IMP4: variants seen among roughly 807,000 people sequenced by gnomAD.
IMP4 encodes the protein U3 small nucleolar ribonucleoprotein IMP4.
IMP4 carries 30 observed loss-of-function variants against 42.7 expected under a neutral mutation model. The ratio of observed to expected loss-of-function variants is 0.70; its 90% CI spans 0.53 to 0.95. The LOEUF (loss-of-function observed/expected upper bound fraction) is 0.95. Among genes scored for constraint, IMP4 ranks in the 40% least tolerant of loss-of-function variants. The probability of loss-of-function intolerance (pLI) is 0.00; values close to 1 mark genes in which losing one functional copy is unlikely to be tolerated. For missense variants in IMP4, 382 were observed against 411.4 expected (o/e 0.93, Z 0.62); for synonymous variants, 165 against 165.2 (o/e 1.00, Z 0.01).
At chr2:130,344,748 T>G in intron 3 of IMP4, 36 bp downstream of exon 3, 1 of 1,434,138 alleles carries the variant, frequency 7.0e-7, no homozygotes, top group Non-Finnish European at 9.8e-7. Context: ...AACACTGAGC[T>G]GGCAGGTCTC....
intron 1 of IMP4, 57 bp downstream of exon 1, chr2:130,342,992 G>A: frequency 2.5e-6 from 4 of 1,613,508 alleles, no homozygotes; most frequent in Non-Finnish European, 3.4e-6. Context: ...CTGGGGATGT[G>A]GCTCTGGGGA....
chr2:130,344,838 G>A (rs1171419909), intron 3 of IMP4, 126 bp downstream of exon 3: 3 of 696,800 alleles, frequency 4.3e-6, no homozygotes, highest in Non-Finnish European at 2.6e-6. Context: ...CCTTGTCACT[G>A]CACAGATGGC....
Position 130,346,068 on chromosome 2 carries a change from C to T in IMP4, c.645C>T (p.His215=). 1 of 1,614,248 alleles carries T rather than the reference C, an allele frequency of 6.2e-7. No individual in the cohort carries two copies. Among genetic ancestry groups the T allele is most frequent in the Non-Finnish European group, 8.5e-7 (1 of 1,180,044 alleles). The change falls in exon 7 of 9, where the codon CAC becomes CAT. Residue 215 remains histidine, a synonymous_variant. Coordinates refer to ENST00000259239, the MANE Select transcript of IMP4 (RefSeq NM_033416.3). ...TTCCCGTGCCCAAAGATGACAGCCACCGGGTCATCACCTTCGCAAACCAGG... is the reference window on the plus strand; with the variant it reads ...TTCCCGTGCCCAAAGATGACAGCCATCGGGTCATCACCTTCGCAAACCAGG... The part of the protein sequence containing the change: ...YLFPVPKDDS[H]RVITFANQDD...
rs1384406840 is a variant in IMP4 at position 130,345,674 on chromosome 2, C to T, written c.414C>T (p.Val138=). 3.1e-6 allele frequency: 5 copies of T among 1,613,974 alleles called. No homozygotes were observed. The highest frequency in any genetic ancestry group is 4.5e-5 in the East Asian group (2 of 44,866). ...CKANGVTDLL[V]VHEHRGTPVG... ...CCAACGGCGTCACCGATCTGCTGGT[C>T]GTTCACGAGCATCGGGGCACACCTG... Residue 138 remains valine, a synonymous_variant, in exon 5 of 9, where the codon GTC becomes GTT. Transcript: ENST00000259239. This position sits in a 1 kb window ranked among gnomAD's most constrained non-coding sequence, Gnocchi z 4.9.
chr2:130,344,524 G>A (rs546805473), intron 2 of IMP4, 105 bp from the exon 3 acceptor site: 35 of 796,990 alleles, frequency 4.4e-5, no homozygotes, highest in Middle Eastern at 4.7e-4. Flanking sequence ...AAGGGCTGAG[G>A]TATTTTTATT....
In IMP4 at chr2:130,346,651, A is replaced by C; in HGVS notation, c.*183A>C. The C allele has an allele frequency of 1.6e-6, 1 of 625,600 alleles. No individual in the cohort carries two copies. The highest frequency in any genetic ancestry group is 2.9e-6 in the Non-Finnish European group (1 of 350,260). The allele number at this position is 625,600 out of a possible 1,614,324, so 38.8% of individuals were successfully genotyped here. A position where few individuals can be genotyped will look rare whatever the true frequency, so the allele number is the denominator to read the frequency against. On this transcript the variant is annotated 3_prime_UTR_variant, in exon 9 of 9. Transcript: ENST00000259239. Reference sequence around the variant, plus strand: ...CCGCCTGCCTCTGAGTGGTCAGGCCAAGTCTGCAGGGCAAAGCCCATGGGA... The same window carrying C: ...CCGCCTGCCTCTGAGTGGTCAGGCCCAGTCTGCAGGGCAAAGCCCATGGGA...
At position 130,345,586 on chromosome 2, in the gene IMP4, C is replaced by T. The variant is rs200759040; in HGVS notation, c.326C>T (p.Pro109Leu). ...GCCCAGGAGCTGAAGCTGGTGTTCC[C>T]GGGCGCCCAGCGAATGAACCGAGGT... ...MFAKELKLVF[P>L]GAQRMNRGRH... Residue 109 changes from proline to leucine, a missense_variant, in exon 5 of 9, where the codon CCG becomes CTG. Physicochemically the swap from Pro to Leu is moderately conservative, Grantham distance 98. Transcript: ENST00000259239. This position sits in a 1 kb window ranked among gnomAD's most constrained non-coding sequence, Gnocchi z 4.9. The T allele has an allele frequency of 5.7e-5, 92 of 1,614,134 alleles. No individual in the cohort carries two copies. The highest frequency in any genetic ancestry group is 1.6e-4 in the Middle Eastern group (1 of 6,062).
chr2:130,345,102 T>C lies in IMP4; in HGVS notation c.197-274T>C, dbSNP rs1679419737. On this transcript the variant is annotated intron_variant, in intron 3 of 8. Coordinates refer to ENST00000259239, the MANE Select transcript of IMP4 (RefSeq NM_033416.3). The surrounding 1 kb of genome is among the most constrained non-coding windows in gnomAD (Gnocchi z 4.9). ...TTTGTCACCGTTGGCCTTAGCAGAG[T>C]GTGGATTTCGTTGTGTAATGGAGTA... 1.8e-6 allele frequency: 1 copy of C among 564,584 alleles called. No homozygotes were observed. 35.0% of individuals were successfully genotyped at this position (564,584 alleles called of 1,614,324 possible). A position where few individuals can be genotyped will look rare whatever the true frequency, so the allele number is the denominator to read the frequency against.
At position 130,342,902 on chromosome 2, in the gene IMP4, C is replaced by T. The variant is rs765377901; in HGVS notation, c.-31C>T. 2.5e-6 allele frequency: 4 copies of T among 1,613,806 alleles called. No homozygotes were observed. Among genetic ancestry groups the T allele is most frequent in the East Asian group, 2.2e-5 (1 of 44,880 alleles). On this transcript the variant is annotated 5_prime_UTR_variant, in exon 1 of 9. Coordinates refer to ENST00000259239, the MANE Select transcript of IMP4 (RefSeq NM_033416.3). ...GTCGCGCTGGAGGAGCCCACAGATT[C>T]TCCCGGACCCACGTGGAAGCGGCAC...
Position 130,344,612 on chromosome 2 carries a change from C to G in IMP4, c.113-17C>G. 1 of 1,593,946 alleles carries G rather than the reference C, an allele frequency of 6.3e-7. No homozygotes were observed. The highest frequency in any genetic ancestry group is 8.6e-7 in the Non-Finnish European group (1 of 1,161,520). On this transcript the variant is annotated splice_polypyrimidine_tract_variant and intron_variant, in intron 2 of 8. Transcript: ENST00000259239. ...CATGCTTGTGACTCACTCAGCCCCT[C>G]TCTCTTCCCTCTGCAGAAAACCGCC...
Position 130,346,402 on chromosome 2 carries a change from C to T in IMP4, c.810C>T (p.Asp270=), listed in dbSNP as rs369764774. 101 of 1,576,554 alleles carry T rather than the reference C, an allele frequency of 6.4e-5. 1 individual carries two copies. Among genetic ancestry groups the T allele is most frequent in the South Asian group, 1.6e-4 (14 of 86,530 alleles). The stretch of plus-strand genomic sequence containing the variant: ...CGCTGGAGCAGGAGGCCACAGCAGA[C>T]GTGGAGTGGCGCTGGCACCCTTACA... The part of the protein sequence containing the change: ...LGTLEQEATA[D]VEWRWHPYTN... Residue 270 remains aspartate, a synonymous_variant, in exon 9 of 9, where the codon GAC becomes GAT. Transcript: ENST00000259239.
Position 130,345,135 on chromosome 2 carries a change from A to G in IMP4, c.197-241A>G. On this transcript the variant is annotated intron_variant, in intron 3 of 8. Transcript: ENST00000259239. The surrounding 1 kb of genome is among the most constrained non-coding windows in gnomAD (Gnocchi z 4.9). ...TCGTTGTGTAATGGAGTAGCTGCTT[A>G]GCCCCATGTGACTAATATAGCTTAA... The G allele has an allele frequency of 3.4e-6, 2 of 583,298 alleles. No individual in the cohort carries two copies. Among genetic ancestry groups the G allele is most frequent in the Non-Finnish European group, 6.1e-6 (2 of 326,304 alleles). The allele number at this position is 583,298 out of a possible 1,614,324, so 36.1% of individuals were successfully genotyped here.
At chr2:130,343,396 G>A in intron 2 of IMP4, 1 of 714,042 alleles carries the variant, frequency 1.4e-6, no homozygotes, top group Non-Finnish European at 2.6e-6. Flanking sequence ...TTTGCAGCTT[G>A]CCCGCTGTGT....
chr2:130,343,284 C>G (rs1679189185), intron 2 of IMP4, 90 bp downstream of exon 2: 3 of 976,220 alleles, frequency 3.1e-6, no homozygotes, highest in Non-Finnish European at 3.2e-6. Flanking sequence ...CAAATGCTTG[C>G]CGGCCGTTTT....
rs746700116 is a variant in IMP4 at position 130,345,508 on chromosome 2, G to A, written c.306+23G>A. ...AAGGTACTGGTGAGCAGGGAGTGAG[G>A]GAGAGACACCCAGGACACACAGCCC... is the stretch of plus-strand genomic sequence containing the variant. On this transcript the variant is annotated intron_variant, in intron 4 of 8. Coordinates refer to ENST00000259239, the MANE Select transcript of IMP4 (RefSeq NM_033416.3). The surrounding 1 kb of genome is among the most constrained non-coding windows in gnomAD (Gnocchi z 4.9). 16 of 1,614,006 alleles carry A rather than the reference G, an allele frequency of 9.9e-6. No homozygotes were observed. The highest frequency in any genetic ancestry group is 1.2e-5 in the Non-Finnish European group (14 of 1,179,962).
rs749637817 is a variant in IMP4 at position 130,346,293 on chromosome 2, C to T, written c.763+19C>T. On this transcript the variant is annotated intron_variant, in intron 8 of 8. Transcript: ENST00000259239. ...CTGAAGCGTGAGTTTGAGGCTGAAT[C>T]CCGTGTCTGGGGTGGGGAGGGGAGG... 6.2e-7 allele frequency: 1 copy of T among 1,613,504 alleles called. No homozygotes were observed. Among genetic ancestry groups the T allele is most frequent in the South Asian group, 1.1e-5 (1 of 91,012 alleles).
rs970432213 is a variant in IMP4 at position 130,344,521 on chromosome 2, G to A, written c.113-108G>A. 5.1e-6 allele frequency: 4 copies of A among 783,344 alleles called. No individual in the cohort carries two copies. The Admixed American group carries it at 5.8e-5, about 11-fold the overall frequency. The allele number at this position is 783,344 out of a possible 1,614,324, so 48.5% of individuals were successfully genotyped here. A position where few individuals can be genotyped will look rare whatever the true frequency, so the allele number is the denominator to read the frequency against. On this transcript the variant is annotated intron_variant, in intron 2 of 8. Transcript: ENST00000259239. ...GCTTTATCCAAGCTCAGAAAGGGCTGAGGTATTTTTATTTCAAGCATGTGC... is the reference window on the plus strand; with the variant it reads ...GCTTTATCCAAGCTCAGAAAGGGCTAAGGTATTTTTATTTCAAGCATGTGC...
At chr2:130,343,284 C>A in intron 2 of IMP4, 90 bp downstream of exon 2, 1 of 976,218 alleles carries the variant, frequency 1.0e-6, no homozygotes, top group Non-Finnish European at 1.6e-6. Flanking sequence ...CAAATGCTTG[C>A]CGGCCGTTTT....
chr2:130,343,241 A>G (rs1478425704), intron 2 of IMP4, 47 bp downstream of exon 2: 2 of 1,296,340 alleles, frequency 1.5e-6, no homozygotes, highest in South Asian at 1.3e-5. Flanking sequence ...CCACCCCGGC[A>G]CGCATTTGTG....
Sources: allele counts gnomAD v4.1 joint callset, GRCh38; gene constraint gnomAD v4.1.1; non-coding constraint Gnocchi (gnomAD v3.1); transcripts MANE v1.5; gene names NCBI Gene and HGNC (gene_info 2026-07-23, HGNC 2026-07-21).